The following TTC7B variants were observed in gnomAD, a reference collection of about 807,000 sequenced individuals.
The protein encoded by TTC7B is tetratricopeptide repeat protein 7B.
A neutral mutation model predicts 106.8 loss-of-function variants in TTC7B; 28 were observed. That is an observed-to-expected ratio of 0.26 (90% CI 0.19 to 0.36). The LOEUF is 0.36. TTC7B is among the 10% of genes least tolerant of loss of function. The probability of loss-of-function intolerance (pLI) is 1.00; values close to 1 mark genes in which losing one functional copy is unlikely to be tolerated. For synonymous variants in TTC7B, 405 were observed against 430.6 expected (o/e 0.94, Z 0.74); for missense variants, 862 against 1,076.4 (o/e 0.80, Z 2.79).
At chr14:90,763,414 C>T (rs1312129614) in intron 3 of TTC7B, among the ~76,000 whole-genome samples, 1 of 152,178 alleles carries the variant, frequency 6.6e-6, no homozygotes, top group Non-Finnish European at 1.5e-5. Context: ...CCACTGCTAA[C>T]ATCTTAGTGG....
Position 90,629,704 on chromosome 14 carries a change from A to T in TTC7B, c.1752-11659T>A, listed in dbSNP as rs185079938. ...ACTTGGAGATCTTGGAAAGAAAAGC[A>T]CAAAAATAAATAAACCTTCTGGATG... On this transcript the variant is annotated intron_variant, in intron 15 of 19. Coordinates refer to ENST00000328459, the MANE Select transcript of TTC7B (RefSeq NM_001010854.2). Among the ~76,000 whole-genome samples, 4 of 152,376 alleles carry T rather than the reference A, an allele frequency of 2.6e-5. 1 individual carries two copies. The South Asian group carries it at 8.3e-4, about 32-fold the overall frequency.
chr14:90,602,257 T>A (rs944577486), intron 17 of TTC7B: 5 of 455,804 alleles, frequency 1.1e-5, no homozygotes, highest in African/African-American at 1.0e-4. Flanking sequence ...AGTGCGGGAC[T>A]TCTCAGAACA....
At chr14:90,585,314 A>C (rs954196326) in intron 18 of TTC7B, among the ~76,000 whole-genome samples, 16 of 152,194 alleles carry the variant, frequency 1.1e-4, no homozygotes, top group Non-Finnish European at 1.8e-4. Context: ...TGCAGCAGTG[A>C]CAGGCGCTAG....
At chr14:90,721,440 C>A (rs1226104972) in intron 5 of TTC7B, among the ~76,000 whole-genome samples, 2 of 152,196 alleles carry the variant, frequency 1.3e-5, no homozygotes, top group African/African-American at 4.8e-5. Context: ...AAGGGATGAG[C>A]AAGACCTAGC....
rs939050791 is a variant in TTC7B at position 90,526,946 on chromosome 14, C to G, written c.*14422G>C. On this transcript the variant is annotated 3_prime_UTR_variant, in exon 20 of 20. Coordinates refer to ENST00000328459, the MANE Select transcript of TTC7B (RefSeq NM_001010854.2). ...GTGCCTTTCATCCAGGACCCCGTAC[C>G]ACCTAATATTTAGCTATGTCTTCAT... The G allele has an allele frequency of 6.6e-6, 1 of 152,160 alleles. No individual in the cohort carries two copies. The highest frequency in any genetic ancestry group is 1.5e-5 in the Non-Finnish European group (1 of 68,044). 9.4% of individuals were successfully genotyped at this position (152,160 alleles called of 1,614,324 possible). A position where few individuals can be genotyped will look rare whatever the true frequency, so the allele number is the denominator to read the frequency against.
At chr14:90,689,043 G>C (rs1887360995) in intron 7 of TTC7B, among the ~76,000 whole-genome samples, 1 of 152,014 alleles carries the variant, frequency 6.6e-6, no homozygotes, top group African/African-American at 2.4e-5. Flanking sequence ...ACTTAAAAAA[G>C]ATAAAGAAGT....
In TTC7B at chr14:90,617,955, T is replaced by G; in HGVS notation, c.1842A>C (p.Lys614Asn). 9 of 1,613,852 alleles carry G rather than the reference T, an allele frequency of 5.6e-6. No homozygotes were observed. Among genetic ancestry groups the G allele is most frequent in the Non-Finnish European group, 7.6e-6 (9 of 1,179,802 alleles). The change falls in exon 16 of 20, where the codon AAA becomes AAC. Residue 614 changes from lysine to asparagine, a missense_variant. Coordinates refer to ENST00000328459, the MANE Select transcript of TTC7B (RefSeq NM_001010854.2). Reference sequence around the variant, plus strand: ...TGGGGTTGGTGAGGTTGTAGCAGGATTTCCATATCTGCAGCATGTGCTTAC... The same window carrying G: ...TGGGGTTGGTGAGGTTGTAGCAGGAGTTCCATATCTGCAGCATGTGCTTAC... ...LTCKHMLQIW[K>N]SCYNLTNPSD...
At chr14:90,788,054 A>T (rs1320977060) in intron 1 of TTC7B, among the ~76,000 whole-genome samples, 2 of 146,358 alleles carry the variant, frequency 1.4e-5, no homozygotes, top group East Asian at 4.0e-4. Context: ...AATCCCAGCT[A>T]CTAGGGAGGC....
At chr14:90,800,267 GT>G (rs2030175195) in intron 1 of TTC7B, among the ~76,000 whole-genome samples, 1 of 152,156 alleles carries the variant, frequency 6.6e-6, no homozygotes, top group Non-Finnish European at 1.5e-5. Context: ...GCAGGACGAG[GT>G]GAGAAATATG....
intron 19 of TTC7B, among the ~76,000 whole-genome samples, chr14:90,545,774 C>A (rs914348974): frequency 6.6e-6 from 1 of 152,210 alleles, no homozygotes; most frequent in Admixed American, 6.5e-5. Flanking sequence ...TAACTGCCCT[C>A]AAAAGTCCTG....
chr14:90,552,746 A>T (rs1890140227), intron 19 of TTC7B, among the ~76,000 whole-genome samples: 1 of 152,176 alleles, frequency 6.6e-6, no homozygotes, highest in Non-Finnish European at 1.5e-5. Flanking sequence ...GCTCCAGAAG[A>T]TGTGAGCGGG....
rs2139821674 is a variant in TTC7B at position 90,593,391 on chromosome 14, G to GCGCTAA, written c.2107+94_2107+95insTTAGCG. ...CCTAATGAGGGGTGTGGGCTAAACA[G>GCGCTAA]ACAAGCGCCCAGGCTCTGGCACAGC... On this transcript the variant is annotated intron_variant, in intron 18 of 19. Transcript: ENST00000328459. 6 of 1,463,628 alleles carry GCGCTAA rather than the reference G, an allele frequency of 4.1e-6. No individual in the cohort carries two copies. In the South Asian group the frequency reaches 8.6e-5, roughly 21 times the overall value. The allele number at this position is 1,463,628 out of a possible 1,614,324, so 90.7% of individuals were successfully genotyped here.
chr14:90,554,694 G>A (rs1279864362), intron 19 of TTC7B, among the ~76,000 whole-genome samples: 2 of 152,236 alleles, frequency 1.3e-5, no homozygotes, highest in Non-Finnish European at 2.9e-5. Context: ...ATCTGCCACA[G>A]AGCAAGGCTT....
At chr14:90,789,950 ATTAATGAGACC>A (rs1891528387) in intron 1 of TTC7B, among the ~76,000 whole-genome samples, 1 of 151,820 alleles carries the variant, frequency 6.6e-6, no homozygotes, top group East Asian at 1.9e-4. Context: ...TTTTTAAAAT[ATTAATGAGACC>A]TTACATTCTT....
intron 1 of TTC7B, among the ~76,000 whole-genome samples, chr14:90,797,651 T>C (rs1409043242): frequency 6.6e-6 from 1 of 152,078 alleles, no homozygotes; most frequent in Non-Finnish European, 1.5e-5. Flanking sequence ...GGGGGCAATG[T>C]AGCAATTTCT....
chr14:90,657,241 C>A lies in TTC7B; in HGVS notation c.1274G>T (p.Arg425Leu), dbSNP rs1446797367. ...RAVKVLKECI[R>L]LKPDDATIPL... ...GATGGTGGCATCGTCTGGCTTCAGG[C>A]GGATACACTCTTTCAGCACCTTCAC... Residue 425 changes from arginine to leucine, a missense_variant, in exon 11 of 20, where the codon CGC becomes CTC. Coordinates refer to ENST00000328459, the MANE Select transcript of TTC7B (RefSeq NM_001010854.2). This position sits in a 1 kb window ranked among gnomAD's most constrained non-coding sequence, Gnocchi z 4.2. 1.2e-6 allele frequency: 2 copies of A among 1,613,944 alleles called. No homozygotes were observed. Among genetic ancestry groups the A allele is most frequent in the Non-Finnish European group, 1.7e-6 (2 of 1,180,022 alleles).
intron 9 of TTC7B, chr14:90,675,221 T>C (rs1262170481): frequency 2.0e-5 from 3 of 152,260 alleles, no homozygotes; most frequent in African/African-American, 7.2e-5. Flanking sequence ...AGGATGGAAG[T>C]AGATGTGTGC....
chr14:90,555,218 G>A (rs989138902), intron 19 of TTC7B, among the ~76,000 whole-genome samples: 5 of 152,150 alleles, frequency 3.3e-5, no homozygotes, highest in Non-Finnish European at 4.4e-5. Flanking sequence ...TGGACCCCAC[G>A]GCTCAGCACT....
intron 19 of TTC7B, among the ~76,000 whole-genome samples, chr14:90,545,476 G>A (rs2139765590): frequency 6.6e-6 from 1 of 152,332 alleles, no homozygotes; most frequent in Admixed American, 6.5e-5. Flanking sequence ...TCTGCTCATG[G>A]ACTGGAGGGC....
Sources: gnomAD v4.1 joint callset for allele counts (sites outside exome capture counted in the v4.1 genomes callset) on GRCh38, gnomAD v4.1.1 for gene constraint, Gnocchi (gnomAD v3.1) non-coding constraint, MANE v1.5 for transcripts, NCBI Gene and HGNC (gene_info 2026-07-23, HGNC 2026-07-21) for gene names.